ZNF407: variants seen among roughly 807,000 people sequenced by gnomAD.
ZNF407 encodes the protein zinc finger protein 407.
A neutral mutation model predicts 131.2 loss-of-function variants in ZNF407; 17 were observed. The ratio of observed to expected loss-of-function variants is 0.13; its 90% CI spans 0.09 to 0.19. The LOEUF is 0.19. Ranked by LOEUF, ZNF407 falls within the 10% of genes least tolerant of loss-of-function variation. The pLI is 1.00. For missense variants in ZNF407, 2,681 were observed against 2,830.6 expected (o/e 0.95, Z 1.20); for synonymous variants, 1,156 against 1,062.0 (o/e 1.09, Z -1.72).
chr18:74,831,175 C>T (rs1307428340), intron 4 of ZNF407, among the ~76,000 whole-genome samples: 1 of 152,130 alleles, frequency 6.6e-6, no homozygotes, highest in African/African-American at 2.4e-5. Flanking sequence ...CGTTCTTCTG[C>T]TGTTGGACAC....
intron 8 of ZNF407, among the ~76,000 whole-genome samples, chr18:75,002,218 T>C (rs750633911): frequency 2.6e-5 from 4 of 152,240 alleles, no homozygotes; most frequent in Non-Finnish European, 5.9e-5. Flanking sequence ...GTTTGACTGT[T>C]AGAGCTCCTC....
At chr18:74,920,199 C>T (rs1226529430) in intron 7 of ZNF407, among the ~76,000 whole-genome samples, 4 of 152,164 alleles carry the variant, frequency 2.6e-5, no homozygotes, top group African/African-American at 9.7e-5. Context: ...GGTGTGTTCT[C>T]AGGGATCAGC....
chr18:75,051,599 G>T (rs879776275), intron 8 of ZNF407, among the ~76,000 whole-genome samples: 2 of 152,200 alleles, frequency 1.3e-5, no homozygotes, highest in African/African-American at 2.4e-5. Context: ...CATATTCAGG[G>T]TTCTAGAGAA....
At chr18:74,808,852 A>G (rs1258000034) in intron 4 of ZNF407, among the ~76,000 whole-genome samples, 1 of 152,192 alleles carries the variant, frequency 6.6e-6, no homozygotes, top group East Asian at 1.9e-4. Context: ...GCTAATGGTA[A>G]TGTTCCTCTT....
intron 8 of ZNF407, among the ~76,000 whole-genome samples, chr18:74,991,121 T>C (rs952168250): frequency 6.6e-6 from 1 of 152,256 alleles, no homozygotes; most frequent in Admixed American, 6.5e-5. Flanking sequence ...TTTTCTAGTT[T>C]ATTTAATTAC....
intron 3 of ZNF407, among the ~76,000 whole-genome samples, chr18:74,714,555 A>G (rs1035991135): frequency 1.3e-5 from 2 of 152,210 alleles, no homozygotes; most frequent in African/African-American, 4.8e-5. Flanking sequence ...ACTTGTTAAT[A>G]TCTTCCTTGT....
chr18:74,677,508 T>C (rs1165238837), intron 3 of ZNF407, among the ~76,000 whole-genome samples: 1 of 152,222 alleles, frequency 6.6e-6, no homozygotes. Context: ...TCTCATGTTT[T>C]ATATTTGTCT....
intron 8 of ZNF407, chr18:75,061,342 C>G (rs1973631171): frequency 6.6e-6 from 1 of 152,080 alleles, no homozygotes; most frequent in African/African-American, 2.4e-5. Flanking sequence ...ATTAGAAAAC[C>G]GATGGAAAAT....
At chr18:74,879,265 A>T (rs533352023) in intron 5 of ZNF407, among the ~76,000 whole-genome samples, 19 of 152,186 alleles carry the variant, frequency 1.2e-4, no homozygotes, top group Non-Finnish European at 2.6e-4. Flanking sequence ...ACTTGAATCC[A>T]GAAGTCCTAA....
At chr18:74,686,639 A>G (rs1320382022) in intron 3 of ZNF407, among the ~76,000 whole-genome samples, 1 of 152,252 alleles carries the variant, frequency 6.6e-6, no homozygotes, top group Non-Finnish European at 1.5e-5. Context: ...TTAATGTGAA[A>G]TGAAATCTTG....
At chr18:74,852,051 C>T (rs1226257056) in intron 4 of ZNF407, among the ~76,000 whole-genome samples, 3 of 152,106 alleles carry the variant, frequency 2.0e-5, no homozygotes, top group African/African-American at 7.2e-5. Context: ...TCCAGGGACA[C>T]ATTGTCACGG....
At chr18:74,668,401 AAAAT>A in intron 3 of ZNF407, among the ~76,000 whole-genome samples, 1 of 152,230 alleles carries the variant, frequency 6.6e-6, no homozygotes, top group Non-Finnish European at 1.5e-5. Context: ...CTTGTACTAA[AAAAT>A]AAATAATTTC....
chr18:74,877,943 A>G (rs887382132), intron 5 of ZNF407, among the ~76,000 whole-genome samples: 1 of 152,190 alleles, frequency 6.6e-6, no homozygotes, highest in Non-Finnish European at 1.5e-5. Context: ...ATTTTTTTGG[A>G]AAGTTATTAA....
At chr18:74,743,038 C>T (rs560504347) in intron 3 of ZNF407, among the ~76,000 whole-genome samples, 2 of 152,036 alleles carry the variant, frequency 1.3e-5, no homozygotes, top group African/African-American at 4.8e-5. Flanking sequence ...CAGAACTTGA[C>T]GGCTGAATAA....
At chr18:74,734,711 T>TG (rs1568188916) in intron 3 of ZNF407, among the ~76,000 whole-genome samples, 13 of 104,372 alleles carry the variant, frequency 1.2e-4, no homozygotes, top group East Asian at 4.4e-4. Context: ...GTGTGTGTGT[T>TG]TTTGAGAGAA....
At chr18:74,780,874 TTTTG>T (rs1038986464) in intron 3 of ZNF407, among the ~76,000 whole-genome samples, 5 of 152,124 alleles carry the variant, frequency 3.3e-5, no homozygotes, top group African/African-American at 9.7e-5. Flanking sequence ...AGGTAATACT[TTTTG>T]TTTGTTTTTG....
At chr18:74,823,693 A>G (rs1276714904) in intron 4 of ZNF407, among the ~76,000 whole-genome samples, 1 of 152,246 alleles carries the variant, frequency 6.6e-6, no homozygotes, top group Non-Finnish European at 1.5e-5. Flanking sequence ...CCAATACGGG[A>G]ACACCCAGAT....
At chr18:75,044,347 A>T (rs1183619124) in intron 8 of ZNF407, among the ~76,000 whole-genome samples, 1 of 151,842 alleles carries the variant, frequency 6.6e-6, no homozygotes, top group Non-Finnish European at 1.5e-5. Context: ...TTTTTAAAAA[A>T]AAAAACAGGT....
rs576514663 is a variant in ZNF407, at chr18:75,015,087, C to A, written c.5429-48063C>A. 4.6e-5 allele frequency among the ~76,000 whole-genome samples: 7 copies of A among 152,130 alleles called. No individual in the cohort carries two copies. In the South Asian group the frequency reaches 1.2e-3, roughly 27 times the overall value. ...AATTTGGGGAGACTACTAATGTTTG[C>A]CTTTTGCTTTTGCTGTCATGCAGAA... is the stretch of plus-strand genomic sequence containing the variant. On this transcript the variant is annotated intron_variant, in intron 8 of 8. Transcript: ENST00000299687.
Sources: gnomAD v4.1 joint callset for allele counts (sites outside exome capture counted in the v4.1 genomes callset) on GRCh38, gnomAD v4.1.1 for gene constraint, MANE v1.5 for transcripts, NCBI Gene and HGNC (gene_info 2026-07-23, HGNC 2026-07-21) for gene names.